Variants in CADM2 observed in about 807,000 individuals in gnomAD.
CADM2 encodes the protein immunoglobulin superfamily member 4D.
A neutral mutation model predicts 49.8 loss-of-function variants in CADM2; 12 were observed. The observed-to-expected ratio is 0.24, with a 90% CI of 0.15 to 0.39. The LOEUF (loss-of-function observed/expected upper bound fraction) is 0.39. Among genes scored for constraint, CADM2 ranks in the 10% least tolerant of loss-of-function variants. The pLI is 1.00. For missense variants in CADM2, 378 were observed against 492.3 expected (o/e 0.77, Z 2.20); for synonymous variants, 214 against 175.4 (o/e 1.22, Z -1.74).
intron 5 of CADM2, among the ~76,000 whole-genome samples, chr3:85,900,686 G>A (rs1715997922): frequency 1.3e-5 from 2 of 152,124 alleles, no homozygotes; most frequent in Admixed American, 6.6e-5. Flanking sequence ...GCACTCATAA[G>A]CCCATGAGTA....
At chr3:85,170,977 T>G (rs2040610029) in intron 1 of CADM2, among the ~76,000 whole-genome samples, 1 of 152,198 alleles carries the variant, frequency 6.6e-6, no homozygotes. Context: ...CTAATTTCCT[T>G]AGGTTGTCAC....
chr3:86,029,904 T>C (rs1408584282), intron 8 of CADM2, among the ~76,000 whole-genome samples: 1 of 151,924 alleles, frequency 6.6e-6, no homozygotes, highest in Non-Finnish European at 1.5e-5. Context: ...AAGGGATGAG[T>C]ACTAAAAGAG....
intron 5 of CADM2, among the ~76,000 whole-genome samples, chr3:85,911,374 A>G (rs986319123): frequency 2.0e-5 from 3 of 152,198 alleles, no homozygotes; most frequent in Non-Finnish European, 4.4e-5. Context: ...CCATTTAACG[A>G]TGGATCTAAA....
At chr3:85,642,498 A>G (rs2064754533) in intron 1 of CADM2, among the ~76,000 whole-genome samples, 1 of 152,214 alleles carries the variant, frequency 6.6e-6, no homozygotes, top group South Asian at 2.1e-4. Context: ...AATAGTTTAA[A>G]AAAAAGCTGT....
At chr3:85,970,052 G>A (rs528362140) in intron 8 of CADM2, among the ~76,000 whole-genome samples, 3 of 147,404 alleles carry the variant, frequency 2.0e-5, no homozygotes, top group African/African-American at 7.5e-5. Context: ...GGAAATAATT[G>A]ATATTCCTTG....
chr3:86,019,835 T>C (rs1051938559), intron 8 of CADM2, among the ~76,000 whole-genome samples: 1 of 152,106 alleles, frequency 6.6e-6, no homozygotes, highest in African/African-American at 2.4e-5. Flanking sequence ...CAGGGACAAT[T>C]TGACTTCCTC....
chr3:85,123,458 C>T (rs887595570), intron 1 of CADM2, among the ~76,000 whole-genome samples: 3 of 151,978 alleles, frequency 2.0e-5, no homozygotes, highest in South Asian at 4.2e-4. Flanking sequence ...TTTAAAAGTT[C>T]GAATACAGTG....
intron 1 of CADM2, among the ~76,000 whole-genome samples, chr3:85,031,596 G>A (rs1000814374): frequency 9.2e-5 from 14 of 152,022 alleles, no homozygotes; most frequent in Non-Finnish European, 1.9e-4. Context: ...CTCACTGCAA[G>A]CTCCGCCTCC....
At position 85,558,874 on chromosome 3, in the gene CADM2, A is replaced by G. The variant is rs541882417; in HGVS notation, c.62-167648A>G. ...GAAGTGGTCTTTAAATTTTAATTTT[A>G]TCAAAATAAACCAGATCTCTTGTGT... On this transcript the variant is annotated intron_variant, in intron 1 of 9. Transcript: ENST00000383699. 6.5e-4 allele frequency among the ~76,000 whole-genome samples: 99 copies of G among 152,202 alleles called. 2 individuals are homozygous for G. In the South Asian group the frequency reaches 0.02, roughly 31 times the overall value.
intron 1 of CADM2, among the ~76,000 whole-genome samples, chr3:85,345,313 C>CAAAAAAA (rs3085180): frequency 1.6e-3 from 75 of 47,116 alleles, no homozygotes; most frequent in South Asian, 2.2e-3. Flanking sequence ...GTCTCCATCT[C>CAAAAAAA]AAAAAAAAAA....
intron 1 of CADM2, among the ~76,000 whole-genome samples, chr3:85,049,049 T>C (rs1194161286): frequency 6.6e-6 from 1 of 152,000 alleles, no homozygotes; most frequent in Non-Finnish European, 1.5e-5. Context: ...AAGTAGGGGA[T>C]TAAAAAAGTT....
intron 1 of CADM2, among the ~76,000 whole-genome samples, chr3:85,074,919 CAA>C (rs772502500): frequency 7.9e-5 from 11 of 139,534 alleles, no homozygotes; most frequent in Admixed American, 5.1e-4. Flanking sequence ...GTATTCCTCT[CAA>C]AAAAAAAAAA....
chr3:85,512,272 G>T (rs1391797270), intron 1 of CADM2, among the ~76,000 whole-genome samples: 1 of 152,068 alleles, frequency 6.6e-6, no homozygotes, highest in Non-Finnish European at 1.5e-5. Flanking sequence ...GCTATATTTA[G>T]TTTTCTGCTC....
At chr3:85,829,695 C>T (rs776877380) in intron 3 of CADM2, among the ~76,000 whole-genome samples, 8 of 151,854 alleles carry the variant, frequency 5.3e-5, no homozygotes, top group Admixed American at 1.3e-4. Flanking sequence ...TTCCCAGTCC[C>T]GGGTAACCAC....
chr3:85,234,322 A>G (rs953761948), intron 1 of CADM2, among the ~76,000 whole-genome samples: 3 of 152,144 alleles, frequency 2.0e-5, no homozygotes, highest in African/African-American at 7.2e-5. Context: ...TAAACAGCAT[A>G]ATATAGTATA....
intron 1 of CADM2, among the ~76,000 whole-genome samples, chr3:85,315,197 C>T (rs1186495053): frequency 6.6e-6 from 1 of 152,152 alleles, no homozygotes; most frequent in African/African-American, 2.4e-5. Flanking sequence ...AATGACAGAA[C>T]ACTACAACCT....
chr3:85,262,622 C>T (rs567943266), intron 1 of CADM2, among the ~76,000 whole-genome samples: 1 of 152,166 alleles, frequency 6.6e-6, no homozygotes, highest in East Asian at 1.9e-4. Context: ...GCAATATTAT[C>T]TGACTTCAAC....
chr3:85,741,144 G>A (rs1323713017), intron 2 of CADM2, among the ~76,000 whole-genome samples: 1 of 152,088 alleles, frequency 6.6e-6, no homozygotes. Context: ...CAAAGAAGAG[G>A]TTAAAATTTT....
chr3:85,465,037 A>T (rs567350096), intron 1 of CADM2, among the ~76,000 whole-genome samples: 5 of 152,148 alleles, frequency 3.3e-5, no homozygotes, highest in South Asian at 4.1e-4. Flanking sequence ...TAGTCCCAGC[A>T]ACTCGGGAGG....
Sources: allele counts gnomAD v4.1 joint callset (sites outside exome capture counted in the v4.1 genomes callset), GRCh38; gene constraint gnomAD v4.1.1; transcripts MANE v1.5; gene names NCBI Gene and HGNC (gene_info 2026-07-23, HGNC 2026-07-21).